GABRB1: variants seen among roughly 807,000 people sequenced by gnomAD.
GABRB1 encodes the protein gamma-aminobutyric acid receptor subunit beta-1.
Under a neutral mutation model 51.6 loss-of-function variants are expected in GABRB1, and 17 were observed. The ratio of observed to expected loss-of-function variants is 0.33; its 90% CI spans 0.23 to 0.49. GABRB1 has a LOEUF of 0.49. GABRB1 is among the 20% of genes least tolerant of loss of function. The pLI is 0.99. For synonymous variants in GABRB1, 247 were observed against 218.9 expected (o/e 1.13, Z -1.14); for missense variants, 410 against 600.6 (o/e 0.68, Z 3.32).
chr4:47,094,138 G>A (rs1714273174), intron 3 of GABRB1, among the ~76,000 whole-genome samples: 1 of 149,942 alleles, frequency 6.7e-6, no homozygotes, highest in Non-Finnish European at 1.5e-5. Context: ...GGCTATGATT[G>A]GAAAAAACGG....
intron 4 of GABRB1, among the ~76,000 whole-genome samples, chr4:47,275,172 C>T (rs1287577023): frequency 1.3e-5 from 2 of 152,134 alleles, no homozygotes; most frequent in Non-Finnish European, 2.9e-5. Flanking sequence ...AATGTATTTA[C>T]TCTGTATGTT....
At chr4:47,363,899 A>G (rs1178463070) in intron 5 of GABRB1, among the ~76,000 whole-genome samples, 2 of 152,206 alleles carry the variant, frequency 1.3e-5, no homozygotes, top group African/African-American at 4.8e-5. Context: ...CAGGGTCAGG[A>G]AGATATTAAG....
intron 4 of GABRB1, among the ~76,000 whole-genome samples, chr4:47,299,768 C>G (rs1270221547): frequency 9.9e-5 from 15 of 152,116 alleles, no homozygotes; most frequent in African/African-American, 3.6e-4. Flanking sequence ...ATAAATCATG[C>G]TGTTATAAAG....
At chr4:47,030,533 A>AAATT (rs1725255741), upstream of GABRB1, among the ~76,000 whole-genome samples, 1 of 152,124 alleles carries the variant, frequency 6.6e-6, no homozygotes, top group Non-Finnish European at 1.5e-5. Flanking sequence ...TAGGACAAGA[A>AAATT]CCCTTTTTGA....
intron 5 of GABRB1, among the ~76,000 whole-genome samples, chr4:47,329,237 A>G (rs10938481): frequency 0.62 from 93,380 of 151,636 alleles, 28,885 homozygotes; most frequent in East Asian, 0.7. Flanking sequence ...GGCATAGCAG[A>G]CATTCTGAAT....
chr4:47,132,512 T>G (rs1716470982), intron 3 of GABRB1, among the ~76,000 whole-genome samples: 1 of 152,152 alleles, frequency 6.6e-6, no homozygotes, highest in African/African-American at 2.4e-5. Flanking sequence ...TTTCCTTTTG[T>G]TTTTAGTTCA....
chr4:47,046,624 A>T (rs1726103258), intron 3 of GABRB1, among the ~76,000 whole-genome samples: 1 of 152,088 alleles, frequency 6.6e-6, no homozygotes, highest in Non-Finnish European at 1.5e-5. Flanking sequence ...AGAAAGTGCA[A>T]TCAAGCTGAG....
At chr4:47,401,801 C>CATCT (rs750985114) in intron 5 of GABRB1, among the ~76,000 whole-genome samples, 1,046 of 67,214 alleles carry the variant, frequency 0.016, 6 homozygotes, top group Non-Finnish European at 0.025. Context: ...CATCAAATTC[C>CATCT]ATCTATCTAT....
Position 47,032,128 on chromosome 4 carries a change from G to GGA in GABRB1, c.172+123_172+124insGA, listed in dbSNP as rs1553910577. On this transcript the variant is annotated intron_variant, in intron 2 of 8. Transcript: ENST00000295454. ...TTCGTAAGCGTGCACTATACCCTGG[G>GGA]CACACACACACACACACACACACAC... 1,922 of 583,192 alleles carry GGA rather than the reference G, an allele frequency of 3.3e-3. 8 individuals are homozygous for GGA. Among genetic ancestry groups the GGA allele is most frequent in the Admixed American group, 5.2e-3 (181 of 34,616 alleles). 36.1% of individuals were successfully genotyped at this position (583,192 alleles called of 1,614,324 possible).
At chr4:47,270,288 G>A (rs1041108117) in intron 4 of GABRB1, among the ~76,000 whole-genome samples, 13 of 152,142 alleles carry the variant, frequency 8.5e-5, no homozygotes, top group African/African-American at 2.2e-4. Context: ...CTAAAATGAG[G>A]AATAATTCCT....
intron 4 of GABRB1, among the ~76,000 whole-genome samples, chr4:47,244,052 T>C (rs996849059): frequency 5.3e-5 from 8 of 152,168 alleles, no homozygotes; most frequent in Non-Finnish European, 1.0e-4. Flanking sequence ...TTTTGAGATA[T>C]GTCCCATCAA....
At chr4:47,171,268 C>T (rs2084017980) in intron 4 of GABRB1, among the ~76,000 whole-genome samples, 1 of 144,606 alleles carries the variant, frequency 6.9e-6, no homozygotes, top group African/African-American at 2.6e-5. Context: ...AATGTCAGTT[C>T]TCAAAAAAAA....
chr4:47,248,415 G>T (rs1282734377), intron 4 of GABRB1, among the ~76,000 whole-genome samples: 1 of 152,050 alleles, frequency 6.6e-6, no homozygotes. Flanking sequence ...ATTGGATTCA[G>T]TTAGATAGTA....
At position 47,358,735 on chromosome 4, in the gene GABRB1, T is replaced by A. The variant is rs540320595; in HGVS notation, c.544+38526T>A. Among the ~76,000 whole-genome samples the A allele has an allele frequency of 5.3e-5, 8 of 152,254 alleles. No homozygotes were observed. In the East Asian group the frequency reaches 1.5e-3, roughly 29 times the overall value. On this transcript the variant is annotated intron_variant, in intron 5 of 8. Transcript: ENST00000295454. ...TGAAGTTAGAACTCCAACATATGAA[T>A]TTAGCGGTAGAGAAAACACAATTCA...
chr4:47,227,725 CT>C (rs1371959510), intron 4 of GABRB1, among the ~76,000 whole-genome samples: 1 of 152,104 alleles, frequency 6.6e-6, no homozygotes, highest in African/African-American at 2.4e-5. Context: ...AAGCGATAGA[CT>C]AGGTGTCTTA....
Position 47,176,818 on chromosome 4 carries a change from G to C in GABRB1, c.461+15349G>C, listed in dbSNP as rs553671278. Among the ~76,000 whole-genome samples, 24 of 152,210 alleles carry C rather than the reference G, an allele frequency of 1.6e-4. No homozygotes were observed. In the South Asian group the frequency reaches 4.8e-3, roughly 30 times the overall value. On this transcript the variant is annotated intron_variant, in intron 4 of 8. Coordinates refer to ENST00000295454, the MANE Select transcript of GABRB1 (RefSeq NM_000812.4). ...TCTTCATAATGGCAGAGAAGGAAAG[G>C]CTCCAAGTACAAACTGGAACAGATG...
At chr4:47,241,212 A>G (rs1195620821) in intron 4 of GABRB1, among the ~76,000 whole-genome samples, 1 of 152,212 alleles carries the variant, frequency 6.6e-6, no homozygotes, top group Non-Finnish European at 1.5e-5. Context: ...GGTGGCAACA[A>G]TAGAGCTTTC....
At chr4:47,242,264 A>G (rs927800194) in intron 4 of GABRB1, among the ~76,000 whole-genome samples, 4 of 152,086 alleles carry the variant, frequency 2.6e-5, no homozygotes, top group African/African-American at 9.7e-5. Flanking sequence ...TATGTGCCAC[A>G]TTTTCTTAAT....
chr4:47,185,580 G>T (rs1435519958), intron 4 of GABRB1, among the ~76,000 whole-genome samples: 1 of 151,760 alleles, frequency 6.6e-6, no homozygotes, highest in African/African-American at 2.4e-5. Context: ...ATGGTATGGT[G>T]TATTATCAAG....
Sources: gnomAD v4.1 joint callset for allele counts (sites outside exome capture counted in the v4.1 genomes callset) on GRCh38, gnomAD v4.1.1 for gene constraint, MANE v1.5 for transcripts, NCBI Gene and HGNC (gene_info 2026-07-23, HGNC 2026-07-21) for gene names.